MRPL1: variants seen among roughly 807,000 people sequenced by gnomAD.
MRPL1 encodes mitochondrial ribosomal protein L1.
A neutral mutation model predicts 38.0 loss-of-function variants in MRPL1; 28 were observed. The observed-to-expected ratio is 0.74, with a 90% CI of 0.55 to 1.01. The LOEUF is 1.01. Among genes scored for constraint, MRPL1 ranks in the 50% least tolerant of loss-of-function variants. MRPL1 has a pLI of 0.00. For missense variants in MRPL1, 358 were observed against 389.8 expected, an observed-to-expected ratio of 0.92 and a Z score of 0.69; for synonymous variants, 123 against 126.7, an observed-to-expected ratio of 0.97 and a Z score of 0.20.
At chr4:77,865,266 T>C (rs751858270) in intron 1 of MRPL1, among the ~76,000 whole-genome samples, 2 of 152,220 alleles carry the variant, frequency 1.3e-5, no homozygotes, top group African/African-American at 4.8e-5. Context: ...TAGATTCTTA[T>C]ACTCATCTGA....
chr4:77,877,340 T>C (rs1051873880), intron 2 of MRPL1, among the ~76,000 whole-genome samples: 1 of 151,690 alleles, frequency 6.6e-6, no homozygotes, highest in African/African-American at 2.4e-5. Context: ...TTGTCAGGAG[T>C]TGAGCTAGGT....
At chr4:77,934,010 G>GA (rs1406347749) in intron 7 of MRPL1, among the ~76,000 whole-genome samples, 2 of 152,066 alleles carry the variant, frequency 1.3e-5, no homozygotes, top group African/African-American at 2.4e-5. Flanking sequence ...TCCTACATGT[G>GA]AAAAAATCTC....
Position 77,862,835 on chromosome 4 carries a change from C to G in MRPL1, c.-14C>G, listed in dbSNP as rs2110224061. ...GTAGGAACAATTTCGTGAACGCAATCCGGAGTGCCCAACATGGCGGCGGCC... is the reference window on the plus strand; with the variant it reads ...GTAGGAACAATTTCGTGAACGCAATGCGGAGTGCCCAACATGGCGGCGGCC... On this transcript the variant is annotated 5_prime_UTR_variant, in exon 1 of 9. It adds an upstream start codon to the 5' untranslated region. Coordinates refer to ENST00000315567, the MANE Select transcript of MRPL1 (RefSeq NM_020236.4). The G allele has an allele frequency of 4.3e-6, 7 of 1,614,070 alleles. No homozygotes were observed. The East Asian group carries it at 1.6e-4, about 36-fold the overall frequency.
chr4:77,903,929 A>T (rs1736096936), intron 6 of MRPL1, among the ~76,000 whole-genome samples: 2 of 152,172 alleles, frequency 1.3e-5, no homozygotes, highest in South Asian at 4.1e-4. Flanking sequence ...AATGGAAATA[A>T]AGAGAACCTA....
chr4:77,950,086 G>A (rs961434153), intron 8 of MRPL1, among the ~76,000 whole-genome samples: 2 of 152,098 alleles, frequency 1.3e-5, no homozygotes, highest in African/African-American at 2.4e-5. Flanking sequence ...GCATTAATAA[G>A]GAATGCATCC....
chr4:77,947,307 G>T (rs1737294521), intron 7 of MRPL1, among the ~76,000 whole-genome samples: 1 of 152,124 alleles, frequency 6.6e-6, no homozygotes, highest in African/African-American at 2.4e-5. Context: ...TCAGAATAAG[G>T]AATAACTGTT....
At chr4:77,929,600 A>G (rs1487648966) in intron 7 of MRPL1, among the ~76,000 whole-genome samples, 5 of 152,192 alleles carry the variant, frequency 3.3e-5, no homozygotes, top group Non-Finnish European at 5.9e-5. Context: ...GCAAATATTC[A>G]TTTGTTAAAG....
chr4:77,905,294 C>T (rs1347409433), intron 6 of MRPL1, among the ~76,000 whole-genome samples: 7 of 151,786 alleles, frequency 4.6e-5, no homozygotes, highest in African/African-American at 1.2e-4. Flanking sequence ...GTCAGGAGTT[C>T]GAGACCAGCC....
intron 7 of MRPL1, among the ~76,000 whole-genome samples, chr4:77,931,838 C>A (rs2110259830): frequency 6.6e-6 from 1 of 152,138 alleles, no homozygotes; most frequent in Non-Finnish European, 1.5e-5. Context: ...GTCACCCGAA[C>A]TTCAAAATGT....
chr4:77,908,053 A>G (rs1202041660), intron 6 of MRPL1, among the ~76,000 whole-genome samples: 3 of 151,710 alleles, frequency 2.0e-5, no homozygotes, highest in Admixed American at 6.6e-5. Flanking sequence ...GCCTGCCACC[A>G]TGCCCGACTA....
chr4:77,874,385 A>T (rs1325887650), intron 2 of MRPL1, among the ~76,000 whole-genome samples: 1 of 152,122 alleles, frequency 6.6e-6, no homozygotes, highest in Non-Finnish European at 1.5e-5. Context: ...AGTAGTGCAT[A>T]ATTTATGTAA....
At chr4:77,939,711 T>C (rs1449465437) in intron 7 of MRPL1, among the ~76,000 whole-genome samples, 1 of 152,190 alleles carries the variant, frequency 6.6e-6, no homozygotes. Flanking sequence ...CTTGAGTTGA[T>C]TTTTGTATAA....
chr4:77,887,889 C>CT (rs1441722720), intron 5 of MRPL1, among the ~76,000 whole-genome samples: 1 of 152,126 alleles, frequency 6.6e-6, no homozygotes, highest in African/African-American at 2.4e-5. Context: ...TTTTTCGCTT[C>CT]TTTTTTGTCT....
At chr4:77,945,081 C>G (rs986537527) in intron 7 of MRPL1, among the ~76,000 whole-genome samples, 4 of 151,170 alleles carry the variant, frequency 2.6e-5, no homozygotes, top group Non-Finnish European at 4.4e-5. Flanking sequence ...TGTGAACACT[C>G]AGAGTTTGGC....
chr4:77,929,614 T>G (rs765834294), intron 7 of MRPL1, among the ~76,000 whole-genome samples: 1 of 152,200 alleles, frequency 6.6e-6, no homozygotes, highest in Non-Finnish European at 1.5e-5. Flanking sequence ...GTTAAAGTGA[T>G]GTAAAGCATA....
At chr4:77,890,792 G>A (rs2110238967) in intron 5 of MRPL1, among the ~76,000 whole-genome samples, 1 of 152,248 alleles carries the variant, frequency 6.6e-6, no homozygotes, top group Non-Finnish European at 1.5e-5. Flanking sequence ...AAAGTCTCAG[G>A]ATACAAAATC....
intron 5 of MRPL1, among the ~76,000 whole-genome samples, chr4:77,892,398 T>G (rs1438930519): frequency 6.6e-6 from 1 of 152,168 alleles, no homozygotes. Flanking sequence ...CCTCCCAAAG[T>G]GCTGAGATTA....
At chr4:77,949,365 T>C (rs936876772) in intron 7 of MRPL1, among the ~76,000 whole-genome samples, 1 of 152,242 alleles carries the variant, frequency 6.6e-6, no homozygotes, top group South Asian at 2.1e-4. Flanking sequence ...ATATGTATTA[T>C]CTGAATGCAT....
chr4:77,880,730 A>G (rs1735519110), intron 2 of MRPL1, among the ~76,000 whole-genome samples: 2 of 152,170 alleles, frequency 1.3e-5, no homozygotes, highest in African/African-American at 4.8e-5. Flanking sequence ...CTTATCTGCC[A>G]TTACCTGGTA....
Sources: gnomAD v4.1 joint callset for allele counts (sites outside exome capture counted in the v4.1 genomes callset) on GRCh38, gnomAD v4.1.1 for gene constraint, MANE v1.5 for transcripts, NCBI Gene and HGNC (gene_info 2026-07-23, HGNC 2026-07-21) for gene names.